H2BC11: variants seen among roughly 807,000 people sequenced by gnomAD.
H2BC11 encodes H2B clustered histone 11.
A neutral mutation model predicts 6.0 loss-of-function variants in H2BC11; 7 were observed. That is an observed-to-expected ratio of 1.16 (90% CI 0.66 to 2.19). The LOEUF (loss-of-function observed/expected upper bound fraction) is 2.19, where lower values mean the gene tolerates loss of function less well. Ranked by LOEUF, H2BC11 falls within the 30% of genes most tolerant of loss-of-function variation. The pLI, the probability that H2BC11 is intolerant of heterozygous loss-of-function variation, is 0.00. For synonymous variants in H2BC11, 127 were observed against 72.0 expected (o/e 1.77, Z -3.87); for missense variants, 215 against 170.3 (o/e 1.26, Z -1.46).
In H2BC11 at chr6:27,132,791, A is replaced by G. The variant is rs749367091; in HGVS notation, c.-41T>C. 2 of 1,590,842 alleles carry G rather than the reference A, an allele frequency of 1.3e-6. No individual in the cohort carries two copies. Among genetic ancestry groups the G allele is most frequent in the Non-Finnish European group, 1.7e-6 (2 of 1,172,202 alleles). ...TAAAGCGCCAACGAAAAGGAAAAACAGCGTGAGCAGGGTATGACAAGGCGC... is the reference window on the plus strand; with the variant it reads ...TAAAGCGCCAACGAAAAGGAAAAACGGCGTGAGCAGGGTATGACAAGGCGC... On this transcript the variant is annotated 5_prime_UTR_variant, in exon 1 of 1. Coordinates refer to ENST00000339812, the MANE Select transcript of H2BC11 (RefSeq NM_021058.4).
In H2BC11 at chr6:27,132,358, C is replaced by T. The variant is rs756657379; in HGVS notation, c.*12G>A. On this transcript the variant is annotated 3_prime_UTR_variant, in exon 1 of 1. Transcript: ENST00000339812. ...AGCCGTTAGGGTTGAGAGTTTGCAA[C>T]CAACTCACTGTTTACTTAGCGCTGG... 5 of 1,614,040 alleles carry T rather than the reference C, an allele frequency of 3.1e-6. No individual in the cohort carries two copies. In the Admixed American group the frequency reaches 6.7e-5, roughly 22 times the overall value.
In H2BC11 at chr6:27,132,478, G is replaced by A. The variant is rs765670497; in HGVS notation, c.273C>T (p.Thr91=). Residue 91 remains threonine, a synonymous_variant, in exon 1 of 1, where the codon ACC becomes ACT. Coordinates refer to ENST00000339812, the MANE Select transcript of H2BC11 (RefSeq NM_021058.4). ...GCACGGCCGTCTGGATCTCCCTGGAGGTGATGGTCGAGCGCTTGTTGTAAT... is the reference window on the plus strand; with the variant it reads ...GCACGGCCGTCTGGATCTCCCTGGAAGTGATGGTCGAGCGCTTGTTGTAAT... ...LAHYNKRSTI[T]SREIQTAVRL... 12 of 1,614,250 alleles carry A rather than the reference G, an allele frequency of 7.4e-6. No homozygotes were observed. The highest frequency in any genetic ancestry group is 1.0e-5 in the Non-Finnish European group (12 of 1,180,044).
Position 27,132,484 on chromosome 6 carries a change from G to A in H2BC11, c.267C>T (p.Thr89=), listed in dbSNP as rs1291438509. The change falls in exon 1 of 1, where the codon ACC becomes ACT. Residue 89 remains threonine (T), a synonymous_variant. Transcript: ENST00000339812. ...SRLAHYNKRS[T]ITSREIQTAV... is the part of the protein sequence containing the mutation. ...CCGTCTGGATCTCCCTGGAGGTGAT[G>A]GTCGAGCGCTTGTTGTAATGCGCCA... 1.9e-6 allele frequency: 3 copies of A among 1,614,144 alleles called. No individual in the cohort carries two copies. The highest frequency in any genetic ancestry group is 1.1e-5 in the South Asian group (1 of 91,092).
At position 27,132,354 on chromosome 6, in the gene H2BC11, G is replaced by A. The variant is rs1368103599; in HGVS notation, c.*16C>T. On this transcript the variant is annotated 3_prime_UTR_variant, in exon 1 of 1. Transcript: ENST00000339812. ...AAAGAGCCGTTAGGGTTGAGAGTTT[G>A]CAACCAACTCACTGTTTACTTAGCG... 2 of 1,613,880 alleles carry A rather than the reference G, an allele frequency of 1.2e-6. No individual in the cohort carries two copies. The highest frequency in any genetic ancestry group is 1.7e-6 in the Non-Finnish European group (2 of 1,179,942).
Position 27,132,519 on chromosome 6 carries a change from C to G in H2BC11, c.232G>C (p.Ala78Pro). The stretch of plus-strand genomic sequence containing the variant: ...TTGTTGTAATGCGCCAGGCGGGAAG[C>G]CTCACCTGCGATGCGCTCGAAAATG... The part of the protein sequence containing the change: ...NDIFERIAGE[A>P]SRLAHYNKRS... Residue 78 changes from alanine (A) to proline (P), a missense_variant, in exon 1 of 1, where the codon GCT becomes CCT. By Grantham distance (27) the Ala-to-Pro change is conservative. Coordinates refer to ENST00000339812, the MANE Select transcript of H2BC11 (RefSeq NM_021058.4). The G allele has an allele frequency of 1.2e-6, 2 of 1,614,250 alleles. No homozygotes were observed. Among genetic ancestry groups the G allele is most frequent in the Non-Finnish European group, 1.7e-6 (2 of 1,180,056 alleles).
In H2BC11 at chr6:27,132,718, C is replaced by CG; in HGVS notation, c.32dup (p.Lys12GlufsTer10). On this transcript the variant is annotated frameshift_variant, in exon 1 of 1. Transcript: ENST00000339812. LOFTEE classifies it high-confidence loss of function. Reference sequence around the variant, plus strand: ...TCACCGCCTTCTTGGAGCCCTTTTTCGGGGCGGGAGCAGACTTCGCTGGCT... The same window carrying CG: ...TCACCGCCTTCTTGGAGCCCTTTTTCGGGGGCGGGAGCAGACTTCGCTGGCT... 1 of 1,614,098 alleles carries CG rather than the reference C, an allele frequency of 6.2e-7. No individual in the cohort carries two copies. The highest frequency in any genetic ancestry group is 8.5e-7 in the Non-Finnish European group (1 of 1,180,028).
At position 27,132,538 on chromosome 6, in the gene H2BC11, G is replaced by A; in HGVS notation, c.213C>T (p.Phe71=). 1 of 1,614,230 alleles carries A rather than the reference G, an allele frequency of 6.2e-7. No homozygotes were observed. Among genetic ancestry groups the A allele is most frequent in the Non-Finnish European group, 8.5e-7 (1 of 1,180,048 alleles). ...GGGAAGCCTCACCTGCGATGCGCTC[G>A]AAAATGTCGTTCACAAACGAATTCA... ...GIMNSFVNDI[F]ERIAGEASRL... The change falls in exon 1 of 1, where the codon TTC becomes TTT. Residue 71 remains phenylalanine (F), a synonymous_variant. Transcript: ENST00000339812.
rs770628476 is a variant in H2BC11 at position 27,132,662 on chromosome 6, C to A, written c.89G>T (p.Arg30Leu). ...ATAGCTCTCCTTGCGGCTGCGCTTGCGCTTCTTGCCGTCTTTCTTCTGCGC... is the reference window on the plus strand; with the variant it reads ...ATAGCTCTCCTTGCGGCTGCGCTTGAGCTTCTTGCCGTCTTTCTTCTGCGC... The part of the protein sequence containing the change: ...TKAQKKDGKK[R>L]KRSRKESYSI... Residue 30 changes from arginine to leucine, a missense_variant, in exon 1 of 1, where the codon CGC (arginine) becomes CTC (leucine). Physicochemically the swap from Arg to Leu is moderately radical, Grantham distance 102. Transcript: ENST00000339812. 5 of 1,614,246 alleles carry A rather than the reference C, an allele frequency of 3.1e-6. No homozygotes were observed. Among genetic ancestry groups the A allele is most frequent in the Non-Finnish European group, 4.2e-6 (5 of 1,180,048 alleles).
chr6:27,132,518 G>C lies in H2BC11; in HGVS notation c.233C>G (p.Ala78Gly). 3.1e-6 allele frequency: 5 copies of C among 1,614,256 alleles called. No individual in the cohort carries two copies. The highest frequency in any genetic ancestry group is 3.4e-6 in the Non-Finnish European group (4 of 1,180,046). The change falls in exon 1 of 1, where the codon GCT becomes GGT. Residue 78 changes from alanine (A) to glycine (G), a missense_variant. By Grantham distance (60) the Ala-to-Gly change is moderately conservative. Coordinates refer to ENST00000339812, the MANE Select transcript of H2BC11 (RefSeq NM_021058.4). ...NDIFERIAGE[A>G]SRLAHYNKRS... The stretch of plus-strand genomic sequence containing the variant: ...CTTGTTGTAATGCGCCAGGCGGGAA[G>C]CCTCACCTGCGATGCGCTCGAAAAT...
rs114646640 is a variant in H2BC11, at chr6:27,132,443, A to G, written c.308T>C (p.Leu103Pro). The change falls in exon 1 of 1, where the codon CTG becomes CCG. Residue 103 changes from leucine to proline, a missense_variant. Leu to Pro is a moderately conservative substitution (Grantham distance 98). Coordinates refer to ENST00000339812, the MANE Select transcript of H2BC11 (RefSeq NM_021058.4). ...REIQTAVRLL[L>P]PGELAKHAVS... is the part of the protein sequence containing the mutation. ...GGCGTGCTTGGCCAACTCCCCAGGC[A>G]GCAGCAGGCGCACGGCCGTCTGGAT... 2 of 1,614,224 alleles carry G rather than the reference A, an allele frequency of 1.2e-6. No individual in the cohort carries two copies. The highest frequency in any genetic ancestry group is 1.7e-6 in the Non-Finnish European group (2 of 1,180,046).
Position 27,132,450 on chromosome 6 carries a change from G to C in H2BC11, c.301C>G (p.Leu101Val). The C allele has an allele frequency of 1.9e-6, 3 of 1,614,234 alleles. No homozygotes were observed. The part of the protein sequence containing the change: ...TSREIQTAVR[L>V]LLPGELAKHA... Reference sequence around the variant, plus strand: ...TTGGCCAACTCCCCAGGCAGCAGCAGGCGCACGGCCGTCTGGATCTCCCTG... The same window carrying C: ...TTGGCCAACTCCCCAGGCAGCAGCACGCGCACGGCCGTCTGGATCTCCCTG... The change falls in exon 1 of 1, where the codon CTG becomes GTG. Residue 101 changes from leucine to valine, a missense_variant. Coordinates refer to ENST00000339812, the MANE Select transcript of H2BC11 (RefSeq NM_021058.4).
chr6:27,132,682 C>CT lies in H2BC11; in HGVS notation c.68dup (p.Lys24GlufsTer29). 1 of 1,614,228 alleles carries CT rather than the reference C, an allele frequency of 6.2e-7. No homozygotes were observed. Among genetic ancestry groups the CT allele is most frequent in the South Asian group, 1.1e-5 (1 of 91,086 alleles). ...GCTTGCGCTTCTTGCCGTCTTTCTT[C>CT]TGCGCCTTAGTCACCGCCTTCTTGG... On this transcript the variant is annotated frameshift_variant, in exon 1 of 1. Transcript: ENST00000339812. LOFTEE classifies it high-confidence loss of function.
rs764127288 is a variant in H2BC11 at position 27,132,679 on chromosome 6, C to T, written c.72G>A (p.Lys24=). 1.4e-5 allele frequency: 23 copies of T among 1,614,252 alleles called. No individual in the cohort carries two copies. The South Asian group carries it at 1.6e-4, about 12-fold the overall frequency. Reference sequence around the variant, plus strand: ...TGCGCTTGCGCTTCTTGCCGTCTTTCTTCTGCGCCTTAGTCACCGCCTTCT... The same window carrying T: ...TGCGCTTGCGCTTCTTGCCGTCTTTTTTCTGCGCCTTAGTCACCGCCTTCT... ...GSKKAVTKAQ[K]KDGKKRKRSR... Residue 24 remains lysine, a synonymous_variant, in exon 1 of 1, where the codon AAG becomes AAA. Coordinates refer to ENST00000339812, the MANE Select transcript of H2BC11 (RefSeq NM_021058.4).
In H2BC11 at chr6:27,132,789, A is replaced by G. The variant is rs140038883; in HGVS notation, c.-39T>C. On this transcript the variant is annotated 5_prime_UTR_variant, in exon 1 of 1. Transcript: ENST00000339812. ...TATAAAGCGCCAACGAAAAGGAAAAACAGCGTGAGCAGGGTATGACAAGGC... is the reference window on the plus strand; with the variant it reads ...TATAAAGCGCCAACGAAAAGGAAAAGCAGCGTGAGCAGGGTATGACAAGGC... 2 of 1,592,216 alleles carry G rather than the reference A, an allele frequency of 1.3e-6. No homozygotes were observed. The highest frequency in any genetic ancestry group is 3.7e-5 in the Admixed American group (2 of 53,478).
At position 27,132,791 on chromosome 6, in the gene H2BC11, A is replaced by T. The variant is rs749367091; in HGVS notation, c.-41T>A. 9.4e-6 allele frequency: 15 copies of T among 1,590,842 alleles called. No homozygotes were observed. Among genetic ancestry groups the T allele is most frequent in the Non-Finnish European group, 1.3e-5 (15 of 1,172,202 alleles). On this transcript the variant is annotated 5_prime_UTR_variant, in exon 1 of 1. Transcript: ENST00000339812. ...TAAAGCGCCAACGAAAAGGAAAAAC[A>T]GCGTGAGCAGGGTATGACAAGGCGC...
rs770192402 is a variant in H2BC11 at position 27,132,530 on chromosome 6, A to T, written c.221T>A (p.Ile74Asn). The T allele has an allele frequency of 6.8e-6, 11 of 1,614,122 alleles. No homozygotes were observed. Among genetic ancestry groups the T allele is most frequent in the Non-Finnish European group, 1.7e-6 (2 of 1,180,052 alleles). ...NSFVNDIFERIAGEASRLAHY... is the reference protein window; with the variant it reads ...NSFVNDIFERNAGEASRLAHY... ...CGCCAGGCGGGAAGCCTCACCTGCG[A>T]TGCGCTCGAAAATGTCGTTCACAAA... The change falls in exon 1 of 1, where the codon ATC becomes AAC. Residue 74 changes from isoleucine (I) to asparagine (N), a missense_variant. By Grantham distance (149) the Ile-to-Asn change is moderately radical (BLOSUM62 -3). Coordinates refer to ENST00000339812, the MANE Select transcript of H2BC11 (RefSeq NM_021058.4).
rs960413117 is a variant in H2BC11, at chr6:27,132,430, C to T, written c.321G>A (p.Leu107=). The change falls in exon 1 of 1, where the codon TTG becomes TTA. Residue 107 remains leucine, a synonymous_variant. Coordinates refer to ENST00000339812, the MANE Select transcript of H2BC11 (RefSeq NM_021058.4). ...TAVRLLLPGE[L]AKHAVSEGTK... is the part of the protein sequence containing the mutation. ...TACCCTCGGACACGGCGTGCTTGGCCAACTCCCCAGGCAGCAGCAGGCGCA... is the reference window on the plus strand; with the variant it reads ...TACCCTCGGACACGGCGTGCTTGGCTAACTCCCCAGGCAGCAGCAGGCGCA... The T allele has an allele frequency of 1.2e-6, 2 of 1,614,224 alleles. No individual in the cohort carries two copies. The highest frequency in any genetic ancestry group is 2.2e-5 in the South Asian group (2 of 91,086).
In H2BC11 at chr6:27,132,780, A is replaced by G. The variant is rs759807652; in HGVS notation, c.-30T>C. The G allele has an allele frequency of 6.9e-6, 11 of 1,594,844 alleles. No homozygotes were observed. In the Admixed American group the frequency reaches 1.7e-4, roughly 24 times the overall value. ...CTGTGTAGCTATAAAGCGCCAACGAAAAGGAAAAACAGCGTGAGCAGGGTA... is the reference window on the plus strand; with the variant it reads ...CTGTGTAGCTATAAAGCGCCAACGAGAAGGAAAAACAGCGTGAGCAGGGTA... On this transcript the variant is annotated 5_prime_UTR_variant, in exon 1 of 1. Transcript: ENST00000339812.
Position 27,132,517 on chromosome 6 carries a change from A to G in H2BC11, c.234T>C (p.Ala78=), listed in dbSNP as rs778081874. The G allele has an allele frequency of 6.2e-7, 1 of 1,614,258 alleles. No homozygotes were observed. Among genetic ancestry groups the G allele is most frequent in the Non-Finnish European group, 8.5e-7 (1 of 1,180,048 alleles). Residue 78 remains alanine, a synonymous_variant, in exon 1 of 1, where the codon GCT becomes GCC. Transcript: ENST00000339812. ...NDIFERIAGE[A]SRLAHYNKRS... ...GCTTGTTGTAATGCGCCAGGCGGGA[A>G]GCCTCACCTGCGATGCGCTCGAAAA...
Sources: gnomAD v4.1 joint callset for allele counts on GRCh38, gnomAD v4.1.1 for gene constraint, MANE v1.5 for transcripts, NCBI Gene and HGNC (gene_info 2026-07-23, HGNC 2026-07-21) for gene names.